ARPC4: variants seen among roughly 807,000 people sequenced by gnomAD.
ARPC4 encodes the protein actin-related protein 2/3 complex subunit 4.
A neutral mutation model predicts 22.8 loss-of-function variants in ARPC4; 3 were observed. That is an observed-to-expected ratio of 0.13 (90% CI 0.06 to 0.34). The LOEUF is 0.34. Among genes scored for constraint, ARPC4 ranks in the 10% least tolerant of loss-of-function variants. The probability of loss-of-function intolerance (pLI) is 1.00; values close to 1 mark genes in which losing one functional copy is unlikely to be tolerated. For synonymous variants in ARPC4, 80 were observed against 72.5 expected (o/e 1.10, Z -0.52); for missense variants, 98 against 211.0 (o/e 0.46, Z 3.32).
intron 1 of ARPC4, among the ~76,000 whole-genome samples, chr3:9,795,773 C>T (rs983718572): frequency 3.9e-5 from 6 of 152,180 alleles, no homozygotes; most frequent in Admixed American, 2.6e-4. Context: ...ATGAGGTTTA[C>T]AGCCTAGTAA....
At chr3:9,798,025 T>C in intron 2 of ARPC4, 1 of 437,814 alleles carries the variant, frequency 2.3e-6, no homozygotes. Context: ...AGAGCAGGGC[T>C]GTTGATGAAG....
chr3:9,794,531 A>G (rs1179607173), intron 1 of ARPC4, among the ~76,000 whole-genome samples: 5 of 152,060 alleles, frequency 3.3e-5, no homozygotes. Context: ...CTTGCTGGGT[A>G]TGGTGGCATG....
chr3:9,792,644 C>G, upstream of ARPC4: 2 of 1,230,304 alleles, frequency 1.6e-6, no homozygotes, highest in Non-Finnish European at 2.0e-6. Context: ...GGGCGGGAGG[C>G]GGAGCTTGGC....
rs1396646278 is a variant in ARPC4, at chr3:9,800,171, CATT to C, written c.123-11_123-9del. 5 of 1,613,430 alleles carry C rather than the reference CATT, an allele frequency of 3.1e-6. No individual in the cohort carries two copies. The highest frequency in any genetic ancestry group is 8.5e-7 in the Non-Finnish European group (1 of 1,179,718). ...CCTCTGTAGTACAAGTACTCTGTCA[CATT>C]ATGTTTTCAGGAGTAGCAAAGAGCT... On this transcript the variant is annotated splice_polypyrimidine_tract_variant and intron_variant, in intron 2 of 5. Transcript: ENST00000397261.
intron 2 of ARPC4, 75 bp from the exon 3 acceptor site, chr3:9,800,110 C>A: frequency 1.4e-6 from 2 of 1,475,280 alleles, no homozygotes; most frequent in Non-Finnish European, 1.9e-6. Flanking sequence ...CATAGTGATT[C>A]CAGGACCTGC....
upstream of ARPC4, chr3:9,792,990 C>A (rs1575314571): frequency 2.0e-6 from 3 of 1,468,188 alleles, no homozygotes; most frequent in Admixed American, 2.5e-5. Context: ...GGGCTCTCTA[C>A]CCCGCTCGGA....
chr3:9,803,261 A>G (rs2079049987), intron 4 of ARPC4, among the ~76,000 whole-genome samples: 1 of 152,010 alleles, frequency 6.6e-6, no homozygotes, highest in Non-Finnish European at 1.5e-5. Context: ...TTCTCCACAG[A>G]CTCCTTGCCA....
In ARPC4 at chr3:9,797,335, T is replaced by C. The variant is rs1307256719; in HGVS notation, c.4-324T>C. Among the ~76,000 whole-genome samples, 3 of 152,168 alleles carry C rather than the reference T, an allele frequency of 2.0e-5. No homozygotes were observed. The East Asian group carries it at 5.8e-4, about 29-fold the overall frequency. On this transcript the variant is annotated intron_variant, in intron 1 of 5. Coordinates refer to ENST00000397261, the MANE Select transcript of ARPC4 (RefSeq NM_005718.5). The stretch of plus-strand genomic sequence containing the variant: ...GTTTAGTGGATATCTGTCCACTGAA[T>C]GCCTGCAGTTCCCCTTCTTGCCAAG...
upstream of ARPC4, chr3:9,792,572 G>A (rs1432644682): frequency 8.1e-7 from 1 of 1,229,132 alleles, no homozygotes; most frequent in East Asian, 3.2e-5. Context: ...TGGGCCTCGA[G>A]CAAAGCCGCT....
At chr3:9,794,932 C>T (rs2078849947) in intron 1 of ARPC4, among the ~76,000 whole-genome samples, 1 of 152,078 alleles carries the variant, frequency 6.6e-6, no homozygotes, top group African/African-American at 2.4e-5. Flanking sequence ...TTGTGTGTAT[C>T]AATAGTTACT....
At chr3:9,798,220 A>G (rs535443166) in intron 2 of ARPC4, 1 of 153,710 alleles carries the variant, frequency 6.5e-6, no homozygotes, top group African/African-American at 2.4e-5. Flanking sequence ...CCCTAATCCA[A>G]ATACTTCATA....
rs186188103 is a variant in ARPC4 at position 9,800,093 on chromosome 3, A to C, written c.123-92A>C. On this transcript the variant is annotated intron_variant, in intron 2 of 5. Transcript: ENST00000397261. ...GTGAGTCTTCTATTCCTTGGACTCT[A>C]TGGTCTCATAGTGATTCCAGGACCT... 403 of 1,270,220 alleles carry C rather than the reference A, an allele frequency of 3.2e-4. 5 individuals are homozygous for C. In the South Asian group the frequency reaches 5.0e-3, roughly 16 times the overall value. 78.7% of individuals were successfully genotyped at this position (1,270,220 alleles called of 1,614,324 possible). A position where few individuals can be genotyped will look rare whatever the true frequency, so the allele number is the denominator to read the frequency against.
chr3:9,802,664 C>T (rs1397743451), intron 4 of ARPC4, among the ~76,000 whole-genome samples: 13 of 135,962 alleles, frequency 9.6e-5, no homozygotes, highest in African/African-American at 2.5e-4. Flanking sequence ...CTTGAGCCAC[C>T]GCGCCTGGCC....
intron 2 of ARPC4, among the ~76,000 whole-genome samples, chr3:9,798,583 A>G (rs1270972225): frequency 6.6e-6 from 1 of 151,706 alleles, no homozygotes; most frequent in Non-Finnish European, 1.5e-5. Context: ...GTCTCAAAAA[A>G]TAAGTAAATA....
intron 5 of ARPC4, 133 bp from the exon 6 acceptor site, chr3:9,806,077 T>G: frequency 2.0e-6 from 2 of 1,008,220 alleles, no homozygotes; most frequent in Admixed American, 1.7e-5. Context: ...GACCACAAGG[T>G]GTCCTGGGAC....
intron 5 of ARPC4, 160 bp downstream of exon 5, chr3:9,804,173 C>A: frequency 2.9e-6 from 2 of 687,682 alleles, no homozygotes; most frequent in Non-Finnish European, 4.6e-6. Context: ...TGCTTTGGAG[C>A]TAGAGGACCC....
At chr3:9,801,518 C>G in intron 3 of ARPC4, 143 bp from the exon 4 acceptor site, 1 of 710,912 alleles carries the variant, frequency 1.4e-6, no homozygotes, top group Non-Finnish European at 2.3e-6. Context: ...AGCCAGGTCC[C>G]CCACTTCAGT....
intron 1 of ARPC4, among the ~76,000 whole-genome samples, chr3:9,794,704 G>A (rs1250745777): frequency 6.6e-6 from 1 of 151,778 alleles, no homozygotes; most frequent in South Asian, 2.1e-4. Context: ...GTCAAGTTGT[G>A]TAACCACTAC....
intron 1 of ARPC4, 42 bp downstream of exon 1, chr3:9,793,166 G>T (rs1032725683): frequency 2.0e-6 from 3 of 1,533,238 alleles, no homozygotes; most frequent in African/African-American, 2.8e-5. Flanking sequence ...CCGGCTGTTC[G>T]GCCTCAGGGC....
Sources: gnomAD v4.1 joint callset for allele counts (sites outside exome capture counted in the v4.1 genomes callset) on GRCh38, gnomAD v4.1.1 for gene constraint, MANE v1.5 for transcripts, NCBI Gene and HGNC (gene_info 2026-07-23, HGNC 2026-07-21) for gene names.